The following SUPT16H variants were observed in gnomAD, a reference collection of about 807,000 sequenced individuals.
SUPT16H encodes the protein FACT complex subunit SPT16.
In SUPT16H, 24 loss-of-function variants were observed where a neutral mutation model predicts 136.2. That is an observed-to-expected ratio of 0.18 (90% CI 0.13 to 0.25). The LOEUF (loss-of-function observed/expected upper bound fraction) is 0.25, where lower values mean the gene tolerates loss of function less well. SUPT16H is among the 10% of genes least tolerant of loss of function. The pLI is 1.00. For synonymous variants in SUPT16H, 415 were observed against 428.2 expected (o/e 0.97, Z 0.38); for missense variants, 623 against 1,270.2 (o/e 0.49, Z 7.74).
chr14:21,362,918 T>C lies in SUPT16H; in HGVS notation c.1541A>G (p.Asn514Ser). ...TGGTTCCTTAGGCATCAGAGATGGG[T>C]TTTTATAGGACACATTAGACTTGCG... ...KARKSNVSYK[N>S]PSLMPKEPHI... Residue 514 changes from asparagine to serine, a missense_variant, in exon 14 of 26, where the codon AAC (asparagine) becomes AGC (serine). By Grantham distance (46) the Asn-to-Ser change is conservative. This residue lies in a region of SUPT16H where 62 missense variants were observed against 200.5 expected (regional missense o/e 0.31). Coordinates refer to ENST00000216297, the MANE Select transcript of SUPT16H (RefSeq NM_007192.4). 6.2e-7 allele frequency: 1 copy of C among 1,613,516 alleles called. No homozygotes were observed. The highest frequency in any genetic ancestry group is 8.5e-7 in the Non-Finnish European group (1 of 1,179,834).
chr14:21,351,486 C>A lies in SUPT16H; in HGVS notation c.*1187G>T. On this transcript the variant is annotated 3_prime_UTR_variant, in exon 26 of 26. Transcript: ENST00000216297. ...ACGGTCACAGGTGAATTTACAAAAACAAACAACAAAAAAAACCCAGTTTAT... is the reference window on the plus strand; with the variant it reads ...ACGGTCACAGGTGAATTTACAAAAAAAAACAACAAAAAAAACCCAGTTTAT... 1 of 301,188 alleles carries A rather than the reference C, an allele frequency of 3.3e-6. No individual in the cohort carries two copies. Among genetic ancestry groups the A allele is most frequent in the East Asian group, 5.4e-5 (1 of 18,378 alleles). The allele number at this position is 301,188 out of a possible 1,614,324, so 18.7% of individuals were successfully genotyped here. A position where few individuals can be genotyped will look rare whatever the true frequency, so the allele number is the denominator to read the frequency against.
Position 21,361,099 on chromosome 14 carries a change from T to C in SUPT16H, c.1908A>G (p.Glu636=). Residue 636 remains glutamate, a synonymous_variant, in exon 16 of 26, where the codon GAA becomes GAG. Coordinates refer to ENST00000216297, the MANE Select transcript of SUPT16H (RefSeq NM_007192.4). ...KEVQKRYKTR[E]AEEKEKEGIV... ...TCACCTCCTTCTCTTTCTCTTCAGC[T>C]TCTCGAGTTTTATAACGTTTCTGTA... 1 of 1,614,124 alleles carries C rather than the reference T, an allele frequency of 6.2e-7. No individual in the cohort carries two copies. Among genetic ancestry groups the C allele is most frequent in the Non-Finnish European group, 8.5e-7 (1 of 1,180,026 alleles).
At chr14:21,357,515 T>C (rs1480693122) in intron 21 of SUPT16H, 149 bp from the exon 22 acceptor site, 5 of 691,614 alleles carry the variant, frequency 7.2e-6, no homozygotes, top group South Asian at 4.0e-5. Context: ...CAGTACAACA[T>C]ACTAAGAAGC....
rs1437268353 is a variant in SUPT16H at position 21,369,251 on chromosome 14, A to G, written c.735T>C (p.Pro245=). 2 of 1,614,172 alleles carry G rather than the reference A, an allele frequency of 1.2e-6. No homozygotes were observed. Among genetic ancestry groups the G allele is most frequent in the Admixed American group, 1.7e-5 (1 of 60,034 alleles). ...TATAGTTGCCACCACTCTGAATGAT[A>G]GGAGGGTAACACATTTCCACAGTAG... is the stretch of plus-strand genomic sequence containing the variant. The part of the protein sequence containing the change: ...DPSTVEMCYP[P]IIQSGGNYNL... Residue 245 remains proline, a synonymous_variant, in exon 6 of 26, where the codon CCT becomes CCC. Transcript: ENST00000216297.
intron 1 of SUPT16H, 177 bp downstream of exon 1, chr14:21,383,685 C>A: frequency 1.3e-6 from 1 of 743,018 alleles, no homozygotes; most frequent in Non-Finnish European, 2.4e-6. Context: ...GCGGGGGATT[C>A]CCTGTTAAGG....
At chr14:21,373,234 C>A in intron 2 of SUPT16H, 104 bp downstream of exon 2, 1 of 956,610 alleles carries the variant, frequency 1.0e-6, no homozygotes, top group Non-Finnish European at 1.7e-6. Flanking sequence ...GCATGAGCCA[C>A]CGCAGCCAGC....
intron 1 of SUPT16H, among the ~76,000 whole-genome samples, chr14:21,378,460 G>T (rs1566396165): frequency 6.6e-6 from 1 of 152,162 alleles, no homozygotes; most frequent in Non-Finnish European, 1.5e-5. Flanking sequence ...ACTAAAAATT[G>T]TGGGGAAAAG....
intron 1 of SUPT16H, among the ~76,000 whole-genome samples, chr14:21,374,607 C>G (rs1886861379): frequency 6.6e-6 from 1 of 152,142 alleles, no homozygotes; most frequent in African/African-American, 2.4e-5. Flanking sequence ...TTGTGTCTGG[C>G]TTCTTTCACT....
At chr14:21,366,580 T>G (rs757270651) in intron 7 of SUPT16H, 51 bp from the exon 8 acceptor site, 6 of 1,552,812 alleles carry the variant, frequency 3.9e-6, no homozygotes, top group Non-Finnish European at 5.3e-6. Flanking sequence ...GGAAAAAAAC[T>G]CAGTAACATT....
rs550003515 is a variant in SUPT16H at position 21,362,123 on chromosome 14, C to G, written c.1793+74G>C. On this transcript the variant is annotated intron_variant, in intron 15 of 25. Coordinates refer to ENST00000216297, the MANE Select transcript of SUPT16H (RefSeq NM_007192.4). Reference sequence around the variant, plus strand: ...TTTACTAGGTAGGGAAAATGTAGCACAGACAATGAAATGTTTCTGAGAGTA... The same window carrying G: ...TTTACTAGGTAGGGAAAATGTAGCAGAGACAATGAAATGTTTCTGAGAGTA... The G allele has an allele frequency of 4.6e-6, 7 of 1,523,160 alleles. No individual in the cohort carries two copies. The Admixed American group carries it at 6.4e-5, about 14-fold the overall frequency. The allele number at this position is 1,523,160 out of a possible 1,614,324, so 94.4% of individuals were successfully genotyped here.
intron 10 of SUPT16H, among the ~76,000 whole-genome samples, 181 bp downstream of exon 10, chr14:21,364,646 G>T (rs1435363376): frequency 6.6e-6 from 1 of 152,114 alleles, no homozygotes; most frequent in Non-Finnish European, 1.5e-5. Context: ...ATGATTTAAA[G>T]GTTTATATCA....
chr14:21,372,514 T>A (rs182614325), intron 2 of SUPT16H: 3 of 323,214 alleles, frequency 9.3e-6, no homozygotes, highest in African/African-American at 6.5e-5. Context: ...TTTTGGCCAA[T>A]AGGTAAAAAA....
intron 7 of SUPT16H, among the ~76,000 whole-genome samples, chr14:21,367,352 C>T (rs560916031): frequency 1.3e-5 from 2 of 152,302 alleles, no homozygotes; most frequent in South Asian, 2.1e-4. Context: ...TTTTCAAAAA[C>T]AGATCCTTGT....
intron 7 of SUPT16H, 105 bp from the exon 8 acceptor site, chr14:21,366,634 T>C (rs923018887): frequency 9.4e-7 from 1 of 1,068,676 alleles, no homozygotes; most frequent in Non-Finnish European, 1.4e-6. Context: ...TTTCTCAAAG[T>C]GTGAACTAAA....
chr14:21,357,765 T>C (rs3762156), intron 21 of SUPT16H, among the ~76,000 whole-genome samples, 162 bp downstream of exon 21: 134,952 of 152,180 alleles, frequency 0.89, 60,082 homozygotes, highest in Middle Eastern at 0.94. Context: ...TGTGAGCCAT[T>C]ATGCCTGCCC....
At position 21,369,216 on chromosome 14, in the gene SUPT16H, A is replaced by C; in HGVS notation, c.770T>G (p.Phe257Cys). 6.2e-7 allele frequency: 1 copy of C among 1,613,908 alleles called. No homozygotes were observed. The highest frequency in any genetic ancestry group is 8.5e-7 in the Non-Finnish European group (1 of 1,179,986). ...IQSGGNYNLK[F>C]SVVSDKNHMH... is the part of the protein sequence containing the mutation. ...TTCATATACTTACCTCACCACACTG[A>C]ACTTGAGATTATAGTTGCCACCACT... Residue 257 changes from phenylalanine to cysteine, a missense_variant, in exon 6 of 26, where the codon TTC becomes TGC. By Grantham distance (205) the Phe-to-Cys change is radical. This residue lies in a region of SUPT16H where 343 missense variants were observed against 525.7 expected (regional missense o/e 0.65). Coordinates refer to ENST00000216297, the MANE Select transcript of SUPT16H (RefSeq NM_007192.4).
chr14:21,372,458 T>C, intron 2 of SUPT16H: 1 of 315,706 alleles, frequency 3.2e-6, no homozygotes, highest in Non-Finnish European at 6.2e-6. Flanking sequence ...CTCAAAGAAC[T>C]GATATTTTAC....
chr14:21,362,165 G>A lies in SUPT16H; in HGVS notation c.1793+32C>T, dbSNP rs188322904. The A allele has an allele frequency of 5.6e-6, 9 of 1,603,522 alleles. No individual in the cohort carries two copies. In the Admixed American group the frequency reaches 1.2e-4, roughly 21 times the overall value. On this transcript the variant is annotated intron_variant, in intron 15 of 25. Transcript: ENST00000216297. ...CTGAGAGTACCACTCCAGACAAGAT[G>A]AATCTGGGTATGACTTTTCTTGGGG...
rs771292006 is a variant in SUPT16H, at chr14:21,365,066, T to A, written c.1120+4A>T. 6.2e-7 allele frequency: 1 copy of A among 1,613,574 alleles called. No homozygotes were observed. Among genetic ancestry groups the A allele is most frequent in the Non-Finnish European group, 8.5e-7 (1 of 1,179,682 alleles). On this transcript the variant is annotated splice_donor_region_variant and intron_variant, in intron 9 of 25. Transcript: ENST00000216297. ...AGCATTTTCCTATTGTATGTGAAAC[T>A]TACCTTTCTTCAGTTTGTATTGATT...
Sources: allele counts gnomAD v4.1 joint callset (sites outside exome capture counted in the v4.1 genomes callset), GRCh38; gene constraint gnomAD v4.1.1; regional missense constraint gnomAD v4.1.1; transcripts MANE v1.5; gene names NCBI Gene and HGNC (gene_info 2026-07-23, HGNC 2026-07-21).